Variants in ZNF423 observed in about 807,000 individuals in gnomAD.
ZNF423 encodes Ebf-associated zinc finger protein.
A neutral mutation model predicts 95.8 loss-of-function variants in ZNF423; 12 were observed. The observed-to-expected ratio is 0.13, with a 90% CI of 0.08 to 0.20. The LOEUF is 0.20. Ranked by LOEUF, ZNF423 falls within the 10% of genes least tolerant of loss-of-function variation. The pLI, the probability that ZNF423 is intolerant of heterozygous loss-of-function variation, is 1.00. For synonymous variants in ZNF423, 749 were observed against 711.9 expected (o/e 1.05, Z -0.83); for missense variants, 1,316 against 1,737.1 (o/e 0.76, Z 4.31).
intron 5 of ZNF423, among the ~76,000 whole-genome samples, chr16:49,612,065 G>T (rs1321390617): frequency 6.6e-6 from 1 of 151,964 alleles, no homozygotes; most frequent in Admixed American, 6.6e-5. Context: ...GTTTAAAGAA[G>T]AATCAACACC....
At chr16:49,507,001 C>A (rs111739052) in intron 7 of ZNF423, among the ~76,000 whole-genome samples, 1 of 151,882 alleles carries the variant, frequency 6.6e-6, no homozygotes, top group Non-Finnish European at 1.5e-5. Context: ...CTGGGTAGGA[C>A]GGTAAACGTT....
chr16:49,782,625 A>C (rs1336384781), intron 2 of ZNF423, among the ~76,000 whole-genome samples: 5 of 152,196 alleles, frequency 3.3e-5, no homozygotes, highest in Non-Finnish European at 7.3e-5. Flanking sequence ...GGCATTCACA[A>C]GAAGTATGTG....
intron 3 of ZNF423, among the ~76,000 whole-genome samples, chr16:49,670,993 T>G (rs2030782521): frequency 6.6e-6 from 1 of 152,160 alleles, no homozygotes; most frequent in South Asian, 2.1e-4. Context: ...AGGAGATGTC[T>G]TATTGGGGAG....
At position 49,524,295 on chromosome 16, in the gene ZNF423, G is replaced by A. The variant is rs1267871711; in HGVS notation, c.3734-556C>T. ...CTTGAATTAAATAAGCTCAGCACAG[G>A]GTCTTGTACAAGAAGTTGCTCAACC... On this transcript the variant is annotated intron_variant, in intron 6 of 7. Coordinates refer to ENST00000563137, the MANE Select transcript of ZNF423 (RefSeq NM_001379286.1). 2.0e-5 allele frequency among the ~76,000 whole-genome samples: 3 copies of A among 152,156 alleles called. 1 individual carries two copies. The highest frequency in any genetic ancestry group is 1.3e-4 in the Admixed American group (2 of 15,278).
At chr16:49,683,593 A>G (rs907970982) in intron 3 of ZNF423, among the ~76,000 whole-genome samples, 2 of 152,194 alleles carry the variant, frequency 1.3e-5, no homozygotes, top group African/African-American at 2.4e-5. Flanking sequence ...CACAAGGTAC[A>G]TTGAGAATAG....
At chr16:49,777,153 C>G (rs752281410) in intron 2 of ZNF423, among the ~76,000 whole-genome samples, 1 of 152,188 alleles carries the variant, frequency 6.6e-6, no homozygotes, top group African/African-American at 2.4e-5. Context: ...TATGCATGCA[C>G]TTGGCTGTGC....
intron 5 of ZNF423, among the ~76,000 whole-genome samples, chr16:49,596,969 T>G (rs779800827): frequency 4.6e-5 from 7 of 152,226 alleles, no homozygotes; most frequent in Admixed American, 6.5e-5. Flanking sequence ...TTCGGCCACG[T>G]GGCTCCTCTC....
chr16:49,685,261 C>G (rs552616587), intron 3 of ZNF423, among the ~76,000 whole-genome samples: 3 of 152,324 alleles, frequency 2.0e-5, no homozygotes, highest in South Asian at 4.1e-4. Context: ...TTTAACTGAT[C>G]TGCAGCCTTC....
chr16:49,775,760 C>T (rs1431925505), intron 2 of ZNF423, among the ~76,000 whole-genome samples: 3 of 152,260 alleles, frequency 2.0e-5, no homozygotes, highest in South Asian at 4.1e-4. Context: ...CCCTTGTGGC[C>T]TAGAAGCACA....
chr16:49,604,715 A>C (rs1396504007), intron 5 of ZNF423, among the ~76,000 whole-genome samples: 2 of 151,962 alleles, frequency 1.3e-5, no homozygotes, highest in Non-Finnish European at 2.9e-5. Context: ...ATGCAACCTG[A>C]GATCCTTCTC....
rs557357221 is a variant in ZNF423, at chr16:49,682,321, C to T, written c.302-43447G>A. Among the ~76,000 whole-genome samples the T allele has an allele frequency of 3.9e-5, 6 of 152,268 alleles. No homozygotes were observed. In the East Asian group the frequency reaches 7.7e-4, roughly 20 times the overall value. Reference sequence around the variant, plus strand: ...AAGAAAGTGCAAGAGAGTGAATGACCATGCTAGAGCTTGCTGTGAGTGCCA... The same window carrying T: ...AAGAAAGTGCAAGAGAGTGAATGACTATGCTAGAGCTTGCTGTGAGTGCCA... On this transcript the variant is annotated intron_variant, in intron 3 of 7. Transcript: ENST00000563137.
At chr16:49,531,897 A>T (rs1185197444) in intron 5 of ZNF423, among the ~76,000 whole-genome samples, 1 of 152,140 alleles carries the variant, frequency 6.6e-6, no homozygotes, top group Non-Finnish European at 1.5e-5. Context: ...AGAAATGCAG[A>T]GTCTCAGGCC....
intron 1 of ZNF423, among the ~76,000 whole-genome samples, chr16:49,848,209 T>G (rs2035265977): frequency 6.6e-6 from 1 of 152,072 alleles, no homozygotes; most frequent in Non-Finnish European, 1.5e-5. Context: ...TCTAAGCCCC[T>G]CCTCAGACCA....
At chr16:49,685,525 T>C (rs1229338307) in intron 3 of ZNF423, among the ~76,000 whole-genome samples, 1 of 152,180 alleles carries the variant, frequency 6.6e-6, no homozygotes, top group Non-Finnish European at 1.5e-5. Context: ...CCTCCAATCC[T>C]ATTCCTCCTT....
At chr16:49,597,785 G>A (rs1971232631) in intron 5 of ZNF423, among the ~76,000 whole-genome samples, 1 of 152,092 alleles carries the variant, frequency 6.6e-6, no homozygotes, top group African/African-American at 2.4e-5. Context: ...CTCTAAGAGG[G>A]CACAATACTC....
chr16:49,607,336 T>C (rs570115469), intron 5 of ZNF423, among the ~76,000 whole-genome samples: 4 of 152,330 alleles, frequency 2.6e-5, no homozygotes, highest in African/African-American at 4.8e-5. Flanking sequence ...AAGCCCAGCA[T>C]GGACTGAGGA....
At chr16:49,664,290 G>A in intron 3 of ZNF423, 1 of 985,840 alleles carries the variant, frequency 1.0e-6, no homozygotes, top group Non-Finnish European at 1.2e-6. Flanking sequence ...TGGGCCGAGG[G>A]TGTGCTGCTC....
intron 5 of ZNF423, among the ~76,000 whole-genome samples, chr16:49,593,269 C>CA (rs947018121): frequency 7.3e-5 from 11 of 151,686 alleles, no homozygotes; most frequent in East Asian, 5.8e-4. Flanking sequence ...CCTGTCTCTA[C>CA]AAAAAAAATT....
Position 49,848,791 on chromosome 16 carries a change from G to A in ZNF423, c.40+6944C>T, listed in dbSNP as rs185290375. Among the ~76,000 whole-genome samples, 4 of 152,262 alleles carry A rather than the reference G, an allele frequency of 2.6e-5. No individual in the cohort carries two copies. In the East Asian group the frequency reaches 5.8e-4, roughly 22 times the overall value. On this transcript the variant is annotated intron_variant, in intron 1 of 7. Transcript: ENST00000563137. ...TTCGGGGGCCCACAATTAGTGTCTC[G>A]GACGGAGTTTCCTGATGGATCCCTG...
Sources: gnomAD v4.1 joint callset for allele counts (sites outside exome capture counted in the v4.1 genomes callset) on GRCh38, gnomAD v4.1.1 for gene constraint, MANE v1.5 for transcripts, NCBI Gene and HGNC (gene_info 2026-07-23, HGNC 2026-07-21) for gene names.